Variants in SND1 observed in about 807,000 individuals in gnomAD.
SND1 encodes the protein staphylococcal nuclease domain-containing protein 1.
In SND1, 38 loss-of-function variants were observed where a neutral mutation model predicts 121.7. That is an observed-to-expected ratio of 0.31 (90% CI 0.24 to 0.41). The LOEUF (loss-of-function observed/expected upper bound fraction) is 0.41, where lower values mean the gene tolerates loss of function less well. Ranked by LOEUF, SND1 falls within the 10% of genes least tolerant of loss-of-function variation. The probability of loss-of-function intolerance (pLI) is 1.00; values close to 1 mark genes in which losing one functional copy is unlikely to be tolerated. For synonymous variants in SND1, 401 were observed against 447.4 expected (o/e 0.90, Z 1.31); for missense variants, 868 against 1,184.6 (o/e 0.73, Z 3.92).
chr7:128,003,165 G>A (rs1415567278), intron 16 of SND1, among the ~76,000 whole-genome samples: 1 of 152,030 alleles, frequency 6.6e-6, no homozygotes, highest in African/African-American at 2.4e-5. Flanking sequence ...AGCCGAAATC[G>A]TGCCACTGCA....
At chr7:127,988,120 G>A (rs1802437041) in intron 15 of SND1, among the ~76,000 whole-genome samples, 1 of 152,174 alleles carries the variant, frequency 6.6e-6, no homozygotes. Context: ...AAGTGTGTAT[G>A]TTGGTCACAG....
At position 128,091,826 on chromosome 7, in the gene SND1, C is replaced by T. The variant is rs2117074646; in HGVS notation, c.2623-11C>T. On this transcript the variant is annotated splice_polypyrimidine_tract_variant and intron_variant, in intron 22 of 23. Transcript: ENST00000354725. Reference sequence around the variant, plus strand: ...ACTCTGACCACTCCCTTTCTTCTCTCGTCCCTCCAGATCACAGAATACCTG... The same window carrying T: ...ACTCTGACCACTCCCTTTCTTCTCTTGTCCCTCCAGATCACAGAATACCTG... 1.9e-5 allele frequency: 30 copies of T among 1,614,072 alleles called. No individual in the cohort carries two copies. Among genetic ancestry groups the T allele is most frequent in the Non-Finnish European group, 2.5e-5 (29 of 1,179,970 alleles).
In SND1 at chr7:127,701,253, C is replaced by A. The variant is rs73450972; in HGVS notation, c.519C>A (p.Ile173=). The change falls in exon 5 of 24, where the codon ATC becomes ATA. Residue 173 remains isoleucine (I), a synonymous_variant. Transcript: ENST00000354725. ...GTGAGGGGAACGGTTCACATACTAT[C>A]CGGGATCTCAAGTATACCATTGAAA... is the stretch of plus-strand genomic sequence containing the variant. ...MWSEGNGSHT[I]RDLKYTIENP... 1.8e-4 allele frequency: 288 copies of A among 1,614,020 alleles called. No homozygotes were observed. In the African/African-American group the frequency reaches 3.1e-3, roughly 18 times the overall value.
At chr7:127,707,168 A>T (rs1796216596) in intron 8 of SND1, among the ~76,000 whole-genome samples, 1 of 152,210 alleles carries the variant, frequency 6.6e-6, no homozygotes, top group South Asian at 2.1e-4. Context: ...GGTAGCTGGT[A>T]ACCTTTTTGT....
intron 12 of SND1, among the ~76,000 whole-genome samples, chr7:127,860,927 G>A (rs1039555966): frequency 2.0e-5 from 3 of 152,176 alleles, no homozygotes; most frequent in Admixed American, 1.3e-4. Flanking sequence ...AGAGTTTATG[G>A]TGTTCTGTTT....
At chr7:127,915,615 C>T (rs1433752848) in intron 14 of SND1, among the ~76,000 whole-genome samples, 1 of 152,148 alleles carries the variant, frequency 6.6e-6, no homozygotes, top group Non-Finnish European at 1.5e-5. Flanking sequence ...ATAGTCTTTA[C>T]AGGGAATACA....
chr7:127,969,857 G>T (rs1460629694), intron 15 of SND1, among the ~76,000 whole-genome samples: 1 of 152,172 alleles, frequency 6.6e-6, no homozygotes, highest in Non-Finnish European at 1.5e-5. Context: ...TCAAATTCTG[G>T]ATATGCCCTT....
chr7:127,831,218 C>T (rs541256749), intron 11 of SND1, among the ~76,000 whole-genome samples: 2 of 152,308 alleles, frequency 1.3e-5, no homozygotes, highest in Non-Finnish European at 1.5e-5. Context: ...GGGGCACAGC[C>T]CTTCACATAT....
chr7:127,867,549 T>C (rs890364152), intron 12 of SND1, among the ~76,000 whole-genome samples: 2 of 152,210 alleles, frequency 1.3e-5, no homozygotes, highest in Non-Finnish European at 2.9e-5. Context: ...ACCATTTACA[T>C]AGTCTTTTAG....
At chr7:127,786,335 CA>C (rs1458538035) in intron 10 of SND1, among the ~76,000 whole-genome samples, 4 of 152,070 alleles carry the variant, frequency 2.6e-5, no homozygotes, top group African/African-American at 9.7e-5. Context: ...ATACATTGTT[CA>C]GTTAGATAAG....
intron 16 of SND1, among the ~76,000 whole-genome samples, chr7:128,049,488 TTCCTTTCCTC>T (rs1793009378): frequency 6.6e-6 from 1 of 152,094 alleles, no homozygotes; most frequent in South Asian, 2.1e-4. Context: ...CCCTCTTCCT[TTCCTTTCCTC>T]TCAAGTCCAT....
At chr7:128,086,614 A>C in intron 20 of SND1, 1 of 390,284 alleles carries the variant, frequency 2.6e-6, no homozygotes, top group Middle Eastern at 8.3e-4. Context: ...CAGGGAACCC[A>C]TGTCACAGAC....
At chr7:127,715,393 T>C (rs1337359897) in intron 9 of SND1, among the ~76,000 whole-genome samples, 2 of 152,132 alleles carry the variant, frequency 1.3e-5, no homozygotes, top group Non-Finnish European at 2.9e-5. Flanking sequence ...GGTATATTGT[T>C]TGGAGTAGGA....
At chr7:127,907,806 T>G (rs2116771512) in intron 14 of SND1, among the ~76,000 whole-genome samples, 1 of 152,352 alleles carries the variant, frequency 6.6e-6, no homozygotes, top group Non-Finnish European at 1.5e-5. Context: ...GTTGAGTTTC[T>G]ACTCCTTTTC....
rs191128623 is a variant in SND1, at chr7:127,902,794, G to C, written c.1455-1953G>C. Reference sequence around the variant, plus strand: ...TGCAGTGGAGTGATCTTGGCTCACTGCAACCTCCACCTCCTGAGTTCAAGC... The same window carrying C: ...TGCAGTGGAGTGATCTTGGCTCACTCCAACCTCCACCTCCTGAGTTCAAGC... On this transcript the variant is annotated intron_variant, in intron 13 of 23. Transcript: ENST00000354725. Among the ~76,000 whole-genome samples the C allele has an allele frequency of 6.7e-3, 1,024 of 152,032 alleles. 11 individuals carry two copies. The highest frequency in any genetic ancestry group is 0.017 in the Middle Eastern group (5 of 294).
intron 12 of SND1, among the ~76,000 whole-genome samples, chr7:127,880,391 G>A (rs1251237909): frequency 6.6e-6 from 1 of 152,088 alleles, no homozygotes; most frequent in African/African-American, 2.4e-5. Context: ...TGGGGGTCTT[G>A]GAGCATATAT....
chr7:127,670,232 G>A (rs1448267118), intron 1 of SND1, among the ~76,000 whole-genome samples: 1 of 151,966 alleles, frequency 6.6e-6, no homozygotes, highest in African/African-American at 2.4e-5. Context: ...CAGATTATCT[G>A]CCTGCCTCAG....
intron 9 of SND1, among the ~76,000 whole-genome samples, chr7:127,713,958 G>A (rs1349230039): frequency 1.3e-5 from 2 of 152,246 alleles, no homozygotes; most frequent in South Asian, 2.1e-4. Context: ...CTTCCCTGTG[G>A]CGTTTTAGCT....
In SND1 at chr7:127,779,214, A is replaced by G. The variant is rs16871903; in HGVS notation, c.1153-28270A>G. Among the ~76,000 whole-genome samples the G allele has an allele frequency of 2.8e-3, 427 of 152,330 alleles. 16 individuals carry two copies. The East Asian group carries it at 0.064, about 23-fold the overall frequency. ...GTGACATATTACACTAGAGCAGATC[A>G]TGAAAGCTAGGGATACGTGGTTGTT... On this transcript the variant is annotated intron_variant, in intron 10 of 23. Transcript: ENST00000354725.
Sources: allele counts gnomAD v4.1 joint callset (sites outside exome capture counted in the v4.1 genomes callset), GRCh38; gene constraint gnomAD v4.1.1; transcripts MANE v1.5; gene names NCBI Gene and HGNC (gene_info 2026-07-23, HGNC 2026-07-21).